Variants in AGBL1 observed in about 807,000 individuals in gnomAD.
AGBL1 encodes the protein AGBL carboxypeptidase 1.
Under a neutral mutation model 118.9 loss-of-function variants are expected in AGBL1, and 130 were observed. The observed-to-expected ratio is 1.09, with a 90% CI of 0.95 to 1.26. AGBL1 has a LOEUF of 1.26. Ranked by LOEUF, AGBL1 falls within the 50% of genes most tolerant of loss-of-function variation. AGBL1 has a pLI of 0.00. For missense variants in AGBL1, 1,584 were observed against 1,298.1 expected (o/e 1.22, Z -3.38); for synonymous variants, 555 against 478.9 (o/e 1.16, Z -2.08).
chr15:86,863,992 A>C (rs1346892776), intron 22 of AGBL1, among the ~76,000 whole-genome samples: 1 of 152,210 alleles, frequency 6.6e-6, no homozygotes, highest in Non-Finnish European at 1.5e-5. Flanking sequence ...TGATACAATT[A>C]TTAACAATGA....
At chr15:86,164,103 T>C (rs1198287830) in intron 5 of AGBL1, among the ~76,000 whole-genome samples, 1 of 152,238 alleles carries the variant, frequency 6.6e-6, no homozygotes, top group Non-Finnish European at 1.5e-5. Context: ...TTTAGAGTTG[T>C]CTGGGGGAAC....
chr15:86,362,971 G>T (rs1431012823), intron 17 of AGBL1, among the ~76,000 whole-genome samples: 1 of 152,286 alleles, frequency 6.6e-6, no homozygotes, highest in South Asian at 2.1e-4. Flanking sequence ...GCATGGACAG[G>T]TGTGGCTTCT....
intron 22 of AGBL1, among the ~76,000 whole-genome samples, chr15:86,777,170 T>G (rs2078268928): frequency 6.6e-6 from 1 of 152,122 alleles, no homozygotes; most frequent in Non-Finnish European, 1.5e-5. Context: ...ACTTCCATTA[T>G]GTGCCAAACT....
In AGBL1 at chr15:86,891,960, C is replaced by A. The variant is rs946311733; in HGVS notation, c.3159-15127C>A. On this transcript the variant is annotated intron_variant, in intron 22 of 22. Coordinates refer to ENST00000614907, the MANE Select transcript of AGBL1 (RefSeq NM_001386094.1). ...AATGGGCCACTCAGTACTCAGAGGT[C>A]CTCTCATGTAAATGCTAAACTTTTA... Among the ~76,000 whole-genome samples the A allele has an allele frequency of 2.7e-4, 41 of 152,238 alleles. 1 individual carries two copies. Among genetic ancestry groups the A allele is most frequent in the Admixed American group, 2.3e-3 (35 of 15,276 alleles).
chr15:86,230,600 AT>A (rs1162887362), intron 6 of AGBL1, among the ~76,000 whole-genome samples: 2 of 152,112 alleles, frequency 1.3e-5, no homozygotes, highest in African/African-American at 2.4e-5. Context: ...CACAGAGTGT[AT>A]TTCTTCCTTT....
chr15:86,643,251 G>C (rs2085222447), intron 21 of AGBL1, among the ~76,000 whole-genome samples: 1 of 152,078 alleles, frequency 6.6e-6, no homozygotes, highest in African/African-American at 2.4e-5. Context: ...TATATATCTA[G>C]TCACATACTT....
intron 18 of AGBL1, among the ~76,000 whole-genome samples, chr15:86,468,040 T>G (rs1030531930): frequency 6.6e-6 from 1 of 152,232 alleles, no homozygotes; most frequent in South Asian, 2.1e-4. Flanking sequence ...TGTAAACTCC[T>G]TGGGGCAGGA....
chr15:86,817,638 CACACACACAG>C (rs1392810032), intron 22 of AGBL1, among the ~76,000 whole-genome samples: 52 of 146,908 alleles, frequency 3.5e-4, no homozygotes, highest in African/African-American at 1.3e-3. Flanking sequence ...CACACACACA[CACACACACAG>C]ACACACACAC....
Position 86,388,298 on chromosome 15 carries a change from GA to G in AGBL1, c.2375-9066del, listed in dbSNP as rs1251685467. Among the ~76,000 whole-genome samples the G allele has an allele frequency of 2.6e-5, 4 of 152,084 alleles. No individual in the cohort carries two copies. The East Asian group carries it at 7.7e-4, about 29-fold the overall frequency. On this transcript the variant is annotated intron_variant, in intron 17 of 22. Transcript: ENST00000614907. ...TTTCTGCTTATTAGCACTAGCATCT[GA>G]ATATTGGAAAAGAGGAAAAGAGAGA... is the stretch of plus-strand genomic sequence containing the variant.
At chr15:86,643,927 A>G (rs553306983) in intron 21 of AGBL1, among the ~76,000 whole-genome samples, 42 of 152,162 alleles carry the variant, frequency 2.8e-4, no homozygotes, top group African/African-American at 8.2e-4. Context: ...TGTTTTTCCT[A>G]TTTTTACTCT....
chr15:86,366,031 T>C (rs1282414771), intron 17 of AGBL1, among the ~76,000 whole-genome samples: 2 of 152,198 alleles, frequency 1.3e-5, no homozygotes, highest in African/African-American at 4.8e-5. Flanking sequence ...GCACCTGATA[T>C]TCCTTTAGCC....
chr15:86,625,127 G>A (rs1200305879), intron 21 of AGBL1, among the ~76,000 whole-genome samples: 1 of 152,096 alleles, frequency 6.6e-6, no homozygotes, highest in Non-Finnish European at 1.5e-5. Context: ...TTTGGAGAAG[G>A]ACCAGGCAGG....
In AGBL1 at chr15:86,385,313, G is replaced by A. The variant is rs552202065; in HGVS notation, c.2375-12053G>A. ...GCTACTAGAAAAAATAAAATTACTC[G>A]TGCGCCTTGTATTATATCTCTGTTG... On this transcript the variant is annotated intron_variant, in intron 17 of 22. Coordinates refer to ENST00000614907, the MANE Select transcript of AGBL1 (RefSeq NM_001386094.1). Among the ~76,000 whole-genome samples, 14 of 152,036 alleles carry A rather than the reference G, an allele frequency of 9.2e-5. No individual in the cohort carries two copies. In the East Asian group the frequency reaches 1.5e-3, roughly 17 times the overall value.
intron 5 of AGBL1, among the ~76,000 whole-genome samples, chr15:86,212,297 C>T (rs933599390): frequency 1.3e-5 from 2 of 152,024 alleles, no homozygotes; most frequent in African/African-American, 2.4e-5. Flanking sequence ...TCCATGTTAC[C>T]GTAAACAATG....
At chr15:86,156,036 C>T (rs1597468706) in intron 4 of AGBL1, among the ~76,000 whole-genome samples, 1 of 152,100 alleles carries the variant, frequency 6.6e-6, no homozygotes, top group African/African-American at 2.4e-5. Context: ...ATTCTCTTGT[C>T]TCAGCCTCCC....
intron 22 of AGBL1, among the ~76,000 whole-genome samples, chr15:86,787,219 C>G (rs750505996): frequency 1.3e-5 from 2 of 152,000 alleles, no homozygotes; most frequent in Non-Finnish European, 2.9e-5. Context: ...TATCCATAAC[C>G]TTCCATAGTT....
At chr15:86,408,064 G>C (rs926751652) in intron 18 of AGBL1, among the ~76,000 whole-genome samples, 1 of 152,064 alleles carries the variant, frequency 6.6e-6, no homozygotes, top group Admixed American at 6.6e-5. Context: ...CCCAGCAGGC[G>C]TTTCTGTCTC....
At chr15:86,471,092 G>A (rs558102707) in intron 18 of AGBL1, among the ~76,000 whole-genome samples, 1 of 152,198 alleles carries the variant, frequency 6.6e-6, no homozygotes, top group Admixed American at 6.5e-5. Context: ...GGGCATCCTT[G>A]CCTTCTTCCT....
intron 22 of AGBL1, among the ~76,000 whole-genome samples, chr15:86,697,718 T>C (rs1272185086): frequency 6.6e-6 from 1 of 151,966 alleles, no homozygotes; most frequent in Admixed American, 6.6e-5. Context: ...GGGTGGGCTA[T>C]GTCGGAGGGA....
Sources: gnomAD v4.1 joint callset for allele counts (sites outside exome capture counted in the v4.1 genomes callset) on GRCh38, gnomAD v4.1.1 for gene constraint, MANE v1.5 for transcripts, NCBI Gene and HGNC (gene_info 2026-07-23, HGNC 2026-07-21) for gene names.